Variants in DAB1 observed in about 807,000 individuals in gnomAD.
DAB1 encodes the protein disabled homolog 1.
In DAB1, 15 loss-of-function variants were observed where a neutral mutation model predicts 64.6. The observed-to-expected ratio is 0.23, with a 90% CI of 0.16 to 0.36. The LOEUF is 0.36. Ranked by LOEUF, DAB1 falls within the 10% of genes least tolerant of loss-of-function variation. The pLI, the probability that DAB1 is intolerant of heterozygous loss-of-function variation, is 1.00. For synonymous variants in DAB1, 235 were observed against 251.9 expected (o/e 0.93, Z 0.64); for missense variants, 596 against 706.7 (o/e 0.84, Z 1.78).
intron 3 of DAB1, among the ~76,000 whole-genome samples, chr1:58,447,130 C>T (rs944550727): frequency 3.3e-5 from 5 of 152,136 alleles, no homozygotes; most frequent in African/African-American, 4.8e-5. Context: ...ACCTCCCTGG[C>T]CATTATTCAC....
At chr1:57,862,414 T>C (rs1023806764) in intron 1 of DAB1, 1 of 152,160 alleles carries the variant, frequency 6.6e-6, no homozygotes, top group African/African-American at 2.4e-5. Flanking sequence ...TGAAATTACA[T>C]AACGTTTTCA....
At chr1:57,905,136 G>T (rs186652885) in intron 5 of DAB1, among the ~76,000 whole-genome samples, 1 of 151,986 alleles carries the variant, frequency 6.6e-6, no homozygotes, top group Non-Finnish European at 1.5e-5. Flanking sequence ...AAGAAACTGA[G>T]GCAAAAAAAC....
intron 4 of DAB1, among the ~76,000 whole-genome samples, chr1:58,155,204 G>A (rs745740429): frequency 6.6e-6 from 1 of 152,310 alleles, no homozygotes; most frequent in Admixed American, 6.5e-5. Flanking sequence ...CTGCTGCCAA[G>A]GGAAGGAATT....
intron 5 of DAB1, among the ~76,000 whole-genome samples, chr1:58,079,502 A>C (rs1649855410): frequency 6.7e-6 from 1 of 149,478 alleles, no homozygotes; most frequent in Admixed American, 6.7e-5. Flanking sequence ...TGTTAAATGA[A>C]TGAGCATACC....
chr1:58,383,929 A>G (rs1021775189), intron 3 of DAB1, among the ~76,000 whole-genome samples: 5 of 152,138 alleles, frequency 3.3e-5, no homozygotes, highest in African/African-American at 1.2e-4. Context: ...TGGTAGTTCT[A>G]TTTTTAATTT....
intron 6 of DAB1, among the ~76,000 whole-genome samples, chr1:57,788,748 AGAG>A (rs1650452752): frequency 6.6e-6 from 1 of 152,172 alleles, no homozygotes; most frequent in South Asian, 2.1e-4. Context: ...AACTATGAAA[AGAG>A]GAGAAGTTTT....
upstream of DAB1, among the ~76,000 whole-genome samples, chr1:57,428,799 T>C (rs1306535075): frequency 1.4e-5 from 2 of 145,568 alleles, no homozygotes; most frequent in Non-Finnish European, 3.0e-5. Context: ...AAGGTTCCCT[T>C]ATCTCTTCAT....
At chr1:57,157,154 A>C (rs10889027) in intron 2 of DAB1, among the ~76,000 whole-genome samples, 66,089 of 152,016 alleles carry the variant, frequency 0.43, 14,637 homozygotes, top group East Asian at 0.54. Context: ...CAAGACTATT[A>C]TCTTATCTCT....
At chr1:58,391,115 G>C (rs1644472430) in intron 3 of DAB1, among the ~76,000 whole-genome samples, 1 of 152,222 alleles carries the variant, frequency 6.6e-6, no homozygotes, top group Non-Finnish European at 1.5e-5. Flanking sequence ...TCATTACACA[G>C]GTAATGGAAA....
At chr1:57,301,810 T>C (rs1018798757) in intron 1 of DAB1, among the ~76,000 whole-genome samples, 2 of 152,236 alleles carry the variant, frequency 1.3e-5, no homozygotes, top group South Asian at 4.1e-4. Context: ...TCCTGAACCG[T>C]CTGCCTCTCA....
intron 3 of DAB1, among the ~76,000 whole-genome samples, chr1:58,439,229 T>C (rs945185935): frequency 1.3e-5 from 2 of 152,116 alleles, no homozygotes; most frequent in Non-Finnish European, 2.9e-5. Context: ...TTCAGTTAAC[T>C]GATGTATCCC....
Position 57,744,448 on chromosome 1 carries a change from A to G in DAB1, n.552-94783T>C, listed in dbSNP as rs144931475. The stretch of plus-strand genomic sequence containing the variant: ...AGTGAAACTCTGTCTCAAAAAAAAA[A>G]AAAAGCTCAACAATGACTTTGTTAT... On this transcript the variant is annotated intron_variant and non_coding_transcript_variant, in intron 6 of 20. Transcript: ENST00000485760. Among the ~76,000 whole-genome samples the G allele has an allele frequency of 6.6e-4, 100 of 152,282 alleles. No individual in the cohort carries two copies. In the East Asian group the frequency reaches 0.018, roughly 28 times the overall value.
intron 2 of DAB1, among the ~76,000 whole-genome samples, chr1:57,230,385 G>A (rs1398777908): frequency 6.9e-6 from 1 of 145,602 alleles, no homozygotes; most frequent in African/African-American, 2.7e-5. Context: ...GCTATCAAAC[G>A]TACTTATCAG....
At chr1:57,230,717 C>T (rs191213313) in intron 2 of DAB1, among the ~76,000 whole-genome samples, 36 of 152,164 alleles carry the variant, frequency 2.4e-4, no homozygotes, top group Non-Finnish European at 4.6e-4. Flanking sequence ...ATCAGGGAAA[C>T]TGGAATATAT....
chr1:58,195,859 A>G (rs72908458), intron 4 of DAB1, among the ~76,000 whole-genome samples: 2,581 of 152,324 alleles, frequency 0.017, 66 homozygotes, highest in African/African-American at 0.059. Context: ...TATTACTGCT[A>G]TATCTATTGA....
rs562202252 is a variant in DAB1, at chr1:57,924,990, T to G, written n.388-40828A>C. 2.6e-5 allele frequency among the ~76,000 whole-genome samples: 4 copies of G among 152,298 alleles called. No individual in the cohort carries two copies. The East Asian group carries it at 5.8e-4, about 22-fold the overall frequency. On this transcript the variant is annotated intron_variant and non_coding_transcript_variant, in intron 5 of 20. Coordinates refer to the DAB1 transcript ENST00000485760. The stretch of plus-strand genomic sequence containing the variant: ...ACTTAAAGTCACTTGATGAATAAGT[T>G]TCAGAGTAGAATCCACAGCAATATC...
Position 58,144,733 on chromosome 1 carries a change from C to T in DAB1, n.387+5778G>A, listed in dbSNP as rs538846119. Among the ~76,000 whole-genome samples, 10 of 152,290 alleles carry T rather than the reference C, an allele frequency of 6.6e-5. No homozygotes were observed. The East Asian group carries it at 1.4e-3, about 21-fold the overall frequency. On this transcript the variant is annotated intron_variant and non_coding_transcript_variant, in intron 5 of 20. Transcript: ENST00000485760. Reference sequence around the variant, plus strand: ...GCTCAGCCAGGTTTGGTGATACACCCGGGGTCACCCAGCAGCAAGCAGCAG... The same window carrying T: ...GCTCAGCCAGGTTTGGTGATACACCTGGGGTCACCCAGCAGCAAGCAGCAG...
intron 5 of DAB1, among the ~76,000 whole-genome samples, chr1:57,980,570 C>T (rs982104512): frequency 6.6e-6 from 1 of 152,148 alleles, no homozygotes; most frequent in Non-Finnish European, 1.5e-5. Flanking sequence ...CTTCTCCACC[C>T]TCTTCACTCC....
At chr1:58,011,847 T>A (rs555197030) in intron 5 of DAB1, among the ~76,000 whole-genome samples, 11 of 152,124 alleles carry the variant, frequency 7.2e-5, no homozygotes, top group African/African-American at 2.4e-4. Context: ...TCTGCCACCA[T>A]GCCTGGCTAA....
Sources: gnomAD v4.1 joint callset for allele counts (sites outside exome capture counted in the v4.1 genomes callset) on GRCh38, gnomAD v4.1.1 for gene constraint, MANE v1.5 for transcripts, NCBI Gene and HGNC (gene_info 2026-07-23, HGNC 2026-07-21) for gene names.